SLCO4A1: variants seen among roughly 807,000 people sequenced by gnomAD.
The protein encoded by SLCO4A1 is solute carrier organic anion transporter family member 4A1.
SLCO4A1 carries 51 observed loss-of-function variants against 64.6 expected under a neutral mutation model. The observed-to-expected ratio is 0.79, with a 90% confidence interval of 0.63 to 1.00. SLCO4A1 has a LOEUF of 1.00. Among genes scored for constraint, SLCO4A1 ranks in the 50% least tolerant of loss-of-function variants. The pLI is 0.00. For missense variants in SLCO4A1, 919 were observed against 980.5 expected, an observed-to-expected ratio of 0.94 and a Z score of 0.84; for synonymous variants, 471 against 444.9, an observed-to-expected ratio of 1.06 and a Z score of -0.74.
chr20:62,680,947 T>A (rs1231050502), intron 2 of SLCO4A1, among the ~76,000 whole-genome samples: 1 of 152,228 alleles, frequency 6.6e-6, no homozygotes, highest in Non-Finnish European at 1.5e-5. Flanking sequence ...CTCTGTCACC[T>A]GGGCTGGATC....
intron 1 of SLCO4A1, among the ~76,000 whole-genome samples, chr20:62,655,844 G>A (rs1490764892): frequency 2.0e-5 from 3 of 152,196 alleles, no homozygotes; most frequent in South Asian, 2.1e-4. Context: ...GAGAGCTGCC[G>A]GGTGTGAACT....
intron 1 of SLCO4A1, chr20:62,642,951 C>G: frequency 2.1e-6 from 1 of 466,312 alleles, no homozygotes; most frequent in Admixed American, 2.4e-5. Context: ...AGGCGCAGGC[C>G]CCACAGATCC....
At chr20:62,672,391 G>A (rs572342119), downstream of SLCO4A1, 30 of 605,732 alleles carry the variant, frequency 5.0e-5, no homozygotes, top group East Asian at 1.4e-4. Context: ...TGGAATCCGT[G>A]GATATGAAAA....
At chr20:62,664,156 A>C (rs1216536549) in intron 5 of SLCO4A1, among the ~76,000 whole-genome samples, 1 of 152,046 alleles carries the variant, frequency 6.6e-6, no homozygotes, top group Non-Finnish European at 1.5e-5. Flanking sequence ...GCAGATGTGG[A>C]GGCTGAGGCT....
chr20:62,662,663 C>T (rs916462403), intron 5 of SLCO4A1, among the ~76,000 whole-genome samples: 4 of 152,208 alleles, frequency 2.6e-5, no homozygotes, highest in Non-Finnish European at 4.4e-5. Context: ...GGCCTCCTAA[C>T]GCAGCCACAC....
intron 1 of SLCO4A1, among the ~76,000 whole-genome samples, chr20:62,653,953 T>C (rs1217653296): frequency 6.6e-6 from 1 of 151,638 alleles, no homozygotes; most frequent in Non-Finnish European, 1.5e-5. Context: ...GATGAGTTAA[T>C]GGGTGCAGCA....
downstream of SLCO4A1, among the ~76,000 whole-genome samples, chr20:62,674,338 G>A (rs144234043): frequency 2.3e-3 from 346 of 152,272 alleles, 1 homozygote; most frequent in African/African-American, 7.4e-3. Context: ...GTCAGCCTGC[G>A]GGCTGAGCTG....
At chr20:62,642,904 G>A (rs1000855917) in intron 1 of SLCO4A1, 2 of 426,754 alleles carry the variant, frequency 4.7e-6, no homozygotes, top group Admixed American at 2.6e-5. Flanking sequence ...GGAGTGGCCG[G>A]GGCAGGTGAC....
chr20:62,683,319 TCTC>T (rs571924442), intron 2 of SLCO4A1, among the ~76,000 whole-genome samples: 110 of 152,196 alleles, frequency 7.2e-4, no homozygotes, highest in African/African-American at 2.5e-3. Flanking sequence ...ACCCAGCACT[TCTC>T]CTGCAGAGCC....
intron 1 of SLCO4A1, among the ~76,000 whole-genome samples, chr20:62,647,670 G>C (rs1174013118): frequency 1.3e-5 from 2 of 152,270 alleles, no homozygotes; most frequent in Non-Finnish European, 2.9e-5. Flanking sequence ...GCTTTGCAGG[G>C]AGCCAGGCTG....
chr20:62,652,406 T>C (rs552963097), intron 1 of SLCO4A1, among the ~76,000 whole-genome samples: 80 of 152,230 alleles, frequency 5.3e-4, no homozygotes, highest in African/African-American at 1.7e-3. Context: ...GGTTGCTTTC[T>C]GTTTCGGCGG....
rs1292884003 is a variant in SLCO4A1 at position 62,644,463 on chromosome 20, G to A, written c.-97+1910G>A. Among the ~76,000 whole-genome samples, 8 of 152,240 alleles carry A rather than the reference G, an allele frequency of 5.3e-5. No individual in the cohort carries two copies. The highest frequency in any genetic ancestry group is 1.9e-4 in the African/African-American group (8 of 41,466). On this transcript the variant is annotated intron_variant, in intron 1 of 11. Coordinates refer to ENST00000217159, the MANE Select transcript of SLCO4A1 (RefSeq NM_016354.4). The surrounding 1 kb of genome is among the most constrained non-coding windows in gnomAD (Gnocchi z 5.4). ...TGGAGAGCTGGCTGGGCACGTGGCA[G>A]GCAGGGCAGGCTGGGCCAGGTGAAG...
intron 1 of SLCO4A1, among the ~76,000 whole-genome samples, chr20:62,655,108 A>G (rs1983401473): frequency 6.6e-6 from 1 of 152,264 alleles, no homozygotes; most frequent in Admixed American, 6.5e-5. Flanking sequence ...GCTCCAAGAC[A>G]GCTTCTTTTA....
chr20:62,673,714 C>T (rs1456251020), downstream of SLCO4A1, among the ~76,000 whole-genome samples: 1 of 105,428 alleles, frequency 9.5e-6, no homozygotes, highest in East Asian at 2.8e-4. Context: ...GATGCTCAGC[C>T]CTGGCCTTCA....
chr20:62,657,816 G>C (rs909400725), intron 2 of SLCO4A1, among the ~76,000 whole-genome samples: 1 of 152,224 alleles, frequency 6.6e-6, no homozygotes, highest in Non-Finnish European at 1.5e-5. Flanking sequence ...GGAAAAGACC[G>C]AGCAAATCTG....
chr20:62,657,303 G>C, intron 2 of SLCO4A1, 53 bp downstream of exon 2: 3 of 1,447,472 alleles, frequency 2.1e-6, no homozygotes, highest in Non-Finnish European at 1.9e-6. Context: ...GGGCAGTGTT[G>C]CAGGAGTGAG....
At chr20:62,687,319 C>T (rs1356286428), downstream of SLCO4A1, among the ~76,000 whole-genome samples, 1 of 152,262 alleles carries the variant, frequency 6.6e-6, no homozygotes, top group Non-Finnish European at 1.5e-5. Flanking sequence ...ACGGGAGACA[C>T]AGTGGCCACC....
In SLCO4A1 at chr20:62,656,961, G is replaced by A; in HGVS notation, c.507G>A (p.Lys169=). Residue 169 remains lysine, a synonymous_variant, in exon 2 of 12, where the codon AAG becomes AAA. Transcript: ENST00000217159. ...GCTACTTCGGGGGCTCAGGGCACAA[G>A]CCGCGCTGGCTGGGCTGGGGCGTGC... ...FVSYFGGSGH[K]PRWLGWGVLL... 9 of 1,564,244 alleles carry A rather than the reference G, an allele frequency of 5.8e-6. No individual in the cohort carries two copies. The highest frequency in any genetic ancestry group is 7.8e-6 in the Non-Finnish European group (9 of 1,149,986).
At position 62,644,228 on chromosome 20, in the gene SLCO4A1, G is replaced by A. The variant is rs1013598929; in HGVS notation, c.-97+1675G>A. 1.5e-4 allele frequency among the ~76,000 whole-genome samples: 23 copies of A among 152,230 alleles called. No homozygotes were observed. The highest frequency in any genetic ancestry group is 5.1e-4 in the African/African-American group (21 of 41,464). On this transcript the variant is annotated intron_variant, in intron 1 of 11. Coordinates refer to ENST00000217159, the MANE Select transcript of SLCO4A1 (RefSeq NM_016354.4). The surrounding 1 kb of genome is among the most constrained non-coding windows in gnomAD (Gnocchi z 5.4). ...GCTGGAGGGAGCCAGGGCAGAGGCC[G>A]GCCACTCGGTGAGACCTGGACGCTG... is the stretch of plus-strand genomic sequence containing the variant.
Sources: gnomAD v4.1 joint callset for allele counts (sites outside exome capture counted in the v4.1 genomes callset) on GRCh38, gnomAD v4.1.1 for gene constraint, Gnocchi (gnomAD v3.1) non-coding constraint, MANE v1.5 for transcripts, NCBI Gene and HGNC (gene_info 2026-07-23, HGNC 2026-07-21) for gene names.